PLEKHA4: variants seen among roughly 807,000 people sequenced by gnomAD.
PLEKHA4 encodes pleckstrin homology domain containing A4.
PLEKHA4 carries 73 observed loss-of-function variants against 94.7 expected under a neutral mutation model. The observed-to-expected ratio is 0.77, with a 90% CI of 0.64 to 0.94. The LOEUF (loss-of-function observed/expected upper bound fraction) is 0.94, where lower values mean the gene tolerates loss of function less well. Among genes scored for constraint, PLEKHA4 ranks in the 40% least tolerant of loss-of-function variants. The pLI, the probability that PLEKHA4 is intolerant of heterozygous loss-of-function variation, is 0.00. For synonymous variants in PLEKHA4, 449 were observed against 437.1 expected (o/e 1.03, Z -0.34); for missense variants, 1,049 against 1,054.1 (o/e 1.00, Z 0.07).
In PLEKHA4 at chr19:48,857,933, A is replaced by T. The variant is rs182099614; in HGVS notation, c.973-437T>A. On this transcript the variant is annotated intron_variant, in intron 8 of 19. Transcript: ENST00000263265. ...CAATAAAAAAATAATAATAATAATTAAAAAAAAAAAGAAACTGGCATGTCT... is the reference window on the plus strand; with the variant it reads ...CAATAAAAAAATAATAATAATAATTTAAAAAAAAAAGAAACTGGCATGTCT... Among the ~76,000 whole-genome samples the T allele has an allele frequency of 9.7e-4, 134 of 138,478 alleles. 2 individuals carry two copies. The highest frequency in any genetic ancestry group is 1.9e-3 in the Admixed American group (27 of 13,904). 90.8% of individuals were successfully genotyped at this position (138,478 alleles called of 152,430 possible). A position where few individuals can be genotyped will look rare whatever the true frequency, so the allele number is the denominator to read the frequency against.
At chr19:48,854,352 A>G (rs1198862079) in intron 9 of PLEKHA4, 88 bp from the exon 10 acceptor site, 2 of 1,106,236 alleles carry the variant, frequency 1.8e-6, no homozygotes, top group Non-Finnish European at 1.4e-6. Flanking sequence ...GTCTCTACTG[A>G]TAGGTACTGC....
chr19:48,856,840 A>T (rs1209381311), intron 9 of PLEKHA4, among the ~76,000 whole-genome samples: 1 of 144,502 alleles, frequency 6.9e-6, no homozygotes. Context: ...CAGAGCTTGC[A>T]GTGAGCCGAG....
In PLEKHA4 at chr19:48,861,397, T is replaced by A. The variant is rs754209546; in HGVS notation, c.366+4A>T. On this transcript the variant is annotated splice_donor_region_variant and intron_variant, in intron 5 of 19. Transcript: ENST00000263265. ...TGGTGCACAACATGGATGGATGGAC[T>A]CACGGTGAAGGTGAAGCGCCGCCCT... 6.2e-7 allele frequency: 1 copy of A among 1,611,708 alleles called. No homozygotes were observed. The highest frequency in any genetic ancestry group is 1.7e-5 in the Admixed American group (1 of 59,994).
chr19:48,844,236 C>A (rs186869887), intron 16 of PLEKHA4, among the ~76,000 whole-genome samples: 1 of 151,226 alleles, frequency 6.6e-6, no homozygotes, highest in South Asian at 2.1e-4. Flanking sequence ...GTCTTTGCCA[C>A]CTCTGCCTCC....
At chr19:48,855,526 C>T (rs1257624099) in intron 9 of PLEKHA4, among the ~76,000 whole-genome samples, 1 of 151,926 alleles carries the variant, frequency 6.6e-6, no homozygotes, top group East Asian at 1.9e-4. Context: ...ATCACTTGAA[C>T]CCGGGAGGCA....
chr19:48,866,843 C>T (rs185705846), intron 2 of PLEKHA4, among the ~76,000 whole-genome samples: 11 of 152,228 alleles, frequency 7.2e-5, no homozygotes, highest in East Asian at 1.9e-4. Context: ...TGGTGCCCTG[C>T]GGTCACACCC....
intron 14 of PLEKHA4, among the ~76,000 whole-genome samples, chr19:48,846,401 A>T (rs1333077086): frequency 2.0e-5 from 3 of 151,920 alleles, no homozygotes; most frequent in Non-Finnish European, 4.4e-5. Flanking sequence ...CAGTGAGCCA[A>T]GATCGAGCCA....
rs768482700 is a variant in PLEKHA4, at chr19:48,865,611, C to T, written c.85-1G>A. 6.2e-7 allele frequency: 1 copy of T among 1,607,210 alleles called. No individual in the cohort carries two copies. Among genetic ancestry groups the T allele is most frequent in the Non-Finnish European group, 8.5e-7 (1 of 1,174,128 alleles). On this transcript the variant is annotated splice_acceptor_variant, in intron 2 of 19. Transcript: ENST00000263265. LOFTEE classifies it high-confidence loss of function. ...TCTTGTTTACTGCCCGGGTGGGCTT[C>T]TGAGGAGAGAAGGGGACAGAAGTGA...
intron 6 of PLEKHA4, 21 bp from the exon 7 acceptor site, chr19:48,859,705 A>G (rs556513915): frequency 1.3e-5 from 21 of 1,599,472 alleles, no homozygotes; most frequent in East Asian, 2.2e-5. Context: ...GACATAGACA[A>G]GATATCACTC....
Position 48,837,652 on chromosome 19 carries a change from C to T in PLEKHA4, c.2078-101G>A, listed in dbSNP as rs2035585836. 1.4e-6 allele frequency: 2 copies of T among 1,425,136 alleles called. No homozygotes were observed. The highest frequency in any genetic ancestry group is 1.4e-5 in the African/African-American group (1 of 69,884). 88.3% of individuals were successfully genotyped at this position (1,425,136 alleles called of 1,614,324 possible). On this transcript the variant is annotated intron_variant, in intron 19 of 19. Coordinates refer to ENST00000263265, the MANE Select transcript of PLEKHA4 (RefSeq NM_020904.3). This position sits in a 1 kb window ranked among gnomAD's most constrained non-coding sequence, Gnocchi z 4.3. ...AGACCCAGGACTCCGGATTCCCAGC[C>T]CCTCCTCCATCAGACCCAGGAGTCC...
chr19:48,861,139 C>T (rs55943779), intron 5 of PLEKHA4, among the ~76,000 whole-genome samples: 17,728 of 151,374 alleles, frequency 0.12, 1,448 homozygotes, highest in Non-Finnish European at 0.17. Flanking sequence ...ACCCAGGAGG[C>T]GGAGGTTGCA....
intron 2 of PLEKHA4, among the ~76,000 whole-genome samples, chr19:48,866,082 G>A (rs1291416327): frequency 6.6e-6 from 1 of 151,910 alleles, no homozygotes; most frequent in African/African-American, 2.4e-5. Flanking sequence ...TCAGAATTGG[G>A]AGGTGTTCTT....
chr19:48,854,696 CTTTTTTTTT>C (rs397859722), intron 9 of PLEKHA4, among the ~76,000 whole-genome samples: 3 of 81,364 alleles, frequency 3.7e-5, no homozygotes, highest in African/African-American at 6.2e-5. Context: ...CATGCCTGGC[CTTTTTTTTT>C]TTTTTTTTTT....
chr19:48,839,284 T>G, intron 17 of PLEKHA4, 21 bp from the exon 18 acceptor site: 1 of 1,538,752 alleles, frequency 6.5e-7, no homozygotes, highest in Non-Finnish European at 8.8e-7. Context: ...ATTGGGGCAT[T>G]AGAACTCCTC....
In PLEKHA4 at chr19:48,852,313, A is replaced by T. The variant is rs372766448; in HGVS notation, c.1340T>A (p.Val447Asp). Residue 447 changes from valine to aspartate, a missense_variant, in exon 13 of 20, where the codon GTT becomes GAT. Physicochemically the swap from Val to Asp is radical, Grantham distance 152 (BLOSUM62 -3). Transcript: ENST00000263265. Reference sequence around the variant, plus strand: ...CTCCAGGCCACTGTACGTGTCCCAAACCCTCTCTCGCTCCTCAGGTTGCAT... The same window carrying T: ...CTCCAGGCCACTGTACGTGTCCCAATCCCTCTCTCGCTCCTCAGGTTGCAT... ...LCHLTQERER[V>D]WDTYSGLEQE... is the part of the protein sequence containing the mutation. 1.3e-4 allele frequency: 204 copies of T among 1,613,714 alleles called. No individual in the cohort carries two copies. Among genetic ancestry groups the T allele is most frequent in the Non-Finnish European group, 1.7e-4 (195 of 1,179,916 alleles).
chr19:48,847,772 G>A, intron 14 of PLEKHA4, 128 bp downstream of exon 14: 10 of 1,131,166 alleles, frequency 8.8e-6, no homozygotes, highest in Non-Finnish European at 9.6e-6. Flanking sequence ...GGCTTCCAGA[G>A]GTTAGGACAC....
chr19:48,851,382 C>T (rs1187244376), intron 13 of PLEKHA4, among the ~76,000 whole-genome samples: 3 of 151,958 alleles, frequency 2.0e-5, no homozygotes, highest in African/African-American at 4.8e-5. Flanking sequence ...TTTGGGAGGC[C>T]GAGGCAGGCA....
Position 48,867,466 on chromosome 19 carries a change from C to G in PLEKHA4, c.84+71G>C, listed in dbSNP as rs2036871579. On this transcript the variant is annotated intron_variant, in intron 2 of 19. Coordinates refer to ENST00000263265, the MANE Select transcript of PLEKHA4 (RefSeq NM_020904.3). The surrounding 1 kb of genome is among the most constrained non-coding windows in gnomAD (Gnocchi z 4.7). ...GATCTTTGTCCTTAACAACCAGAGT[C>G]CTTGGGGAAACAGAAGGATGGGCGG... is the stretch of plus-strand genomic sequence containing the variant. 6.6e-6 allele frequency: 10 copies of G among 1,507,432 alleles called. No homozygotes were observed. In the South Asian group the frequency reaches 1.2e-4, roughly 18 times the overall value. 93.4% of individuals were successfully genotyped at this position (1,507,432 alleles called of 1,614,324 possible). A position where few individuals can be genotyped will look rare whatever the true frequency, so the allele number is the denominator to read the frequency against.
intron 2 of PLEKHA4, among the ~76,000 whole-genome samples, chr19:48,866,215 G>A (rs1191782789): frequency 6.6e-6 from 1 of 151,870 alleles, no homozygotes; most frequent in Non-Finnish European, 1.5e-5. Context: ...ATGTAGCTGG[G>A]ACCACAGGCA....
Sources: allele counts gnomAD v4.1 joint callset (sites outside exome capture counted in the v4.1 genomes callset), GRCh38; gene constraint gnomAD v4.1.1; non-coding constraint Gnocchi (gnomAD v3.1); transcripts MANE v1.5; gene names NCBI Gene and HGNC (gene_info 2026-07-23, HGNC 2026-07-21).